The following GTPBP10 variants were observed in gnomAD, a reference collection of about 807,000 sequenced individuals.
The protein encoded by GTPBP10 is GTP binding protein 10, also known as GTP-binding protein 10.
GTPBP10 carries 38 observed loss-of-function variants against 44.8 expected under a neutral mutation model. That is an observed-to-expected ratio of 0.85 (90% confidence interval 0.65 to 1.11). The LOEUF (loss-of-function observed/expected upper bound fraction) is 1.11. GTPBP10 is among the 50% of genes most tolerant of loss of function. The pLI, the probability that GTPBP10 is intolerant of heterozygous loss-of-function variation, is 0.00. For missense variants in GTPBP10, 462 were observed against 453.7 expected, an observed-to-expected ratio of 1.02 and a Z score of -0.17; for synonymous variants, 152 against 150.6, an observed-to-expected ratio of 1.01 and a Z score of -0.07.
At position 90,350,566 on chromosome 7, in the gene GTPBP10, T is replaced by A. The variant is rs533167476; in HGVS notation, c.34-2250T>A. 1.1e-4 allele frequency among the ~76,000 whole-genome samples: 16 copies of A among 152,362 alleles called. 1 individual carries two copies. In the South Asian group the frequency reaches 3.3e-3, roughly 32 times the overall value. On this transcript the variant is annotated intron_variant, in intron 1 of 9. Transcript: ENST00000222511. ...TTTAGCTTTAGATCCTTCACATTCC[T>A]TTTGCTTTTAAGTTGTCATATGGTA...
chr7:90,374,254 G>T (rs752730444), intron 5 of GTPBP10, 48 bp from the exon 6 acceptor site: 1 of 1,231,000 alleles, frequency 8.1e-7, no homozygotes, highest in Admixed American at 1.7e-5. Context: ...GAGAGTACCA[G>T]CCCTAAAATA....
At chr7:90,383,705 A>G (rs1796472555) in intron 9 of GTPBP10, 1 of 152,182 alleles carries the variant, frequency 6.6e-6, no homozygotes, top group African/African-American at 2.4e-5. Flanking sequence ...TTTGCAGAAC[A>G]CCTTCTATCC....
chr7:90,369,773 C>T (rs755550253), intron 4 of GTPBP10, among the ~76,000 whole-genome samples: 2 of 152,182 alleles, frequency 1.3e-5, no homozygotes, highest in Non-Finnish European at 2.9e-5. Flanking sequence ...CCTTGTGCTT[C>T]CCGGGTGAAG....
In GTPBP10 at chr7:90,378,220, T is replaced by C; in HGVS notation, c.777+9T>C. On this transcript the variant is annotated intron_variant, in intron 8 of 9. Coordinates refer to ENST00000222511, the MANE Select transcript of GTPBP10 (RefSeq NM_033107.4). ...TAATACTGCTTACAAAAGTAGGTTTTCTGTTTTACTGTGTTCTGTATTTGG... is the reference window on the plus strand; with the variant it reads ...TAATACTGCTTACAAAAGTAGGTTTCCTGTTTTACTGTGTTCTGTATTTGG... 1 of 1,607,160 alleles carries C rather than the reference T, an allele frequency of 6.2e-7. No individual in the cohort carries two copies. Among genetic ancestry groups the C allele is most frequent in the East Asian group, 2.2e-5 (1 of 44,694 alleles).
Position 90,359,802 on chromosome 7 carries a change from C to T in GTPBP10, c.464+4572C>T, listed in dbSNP as rs187703293. Among the ~76,000 whole-genome samples, 13 of 152,284 alleles carry T rather than the reference C, an allele frequency of 8.5e-5. No homozygotes were observed. In the East Asian group the frequency reaches 2.5e-3, roughly 29 times the overall value. ...TATTTCTCCACATCCTCTCCAGCAC[C>T]TGTTGTTTCCTGACTTTTTAAGGAT... On this transcript the variant is annotated intron_variant, in intron 4 of 9. Transcript: ENST00000222511.
At chr7:90,346,992 G>C (rs574685355) in intron 1 of GTPBP10, among the ~76,000 whole-genome samples, 3 of 152,322 alleles carry the variant, frequency 2.0e-5, no homozygotes. Context: ...GGCAGGGGCA[G>C]GGTTTGAAGT....
rs1052038794 is a variant in GTPBP10 at position 90,388,499 on chromosome 7, T to C, written c.*3345T>C. 1 of 152,174 alleles carries C rather than the reference T, an allele frequency of 6.6e-6. No homozygotes were observed. Among genetic ancestry groups the C allele is most frequent in the African/African-American group, 2.4e-5 (1 of 41,456 alleles). The allele number at this position is 152,174 out of a possible 1,614,324, so 9.4% of individuals were successfully genotyped here. ...TATTAAGTATATTGTACTATGAAGT[T>C]GGACCTGCACACTGAAAAATTCCAA... On this transcript the variant is annotated 3_prime_UTR_variant, in exon 10 of 10. Coordinates refer to ENST00000222511, the MANE Select transcript of GTPBP10 (RefSeq NM_033107.4).
rs188385472 is a variant in GTPBP10 at position 90,386,819 on chromosome 7, A to T, written c.*1665A>T. On this transcript the variant is annotated 3_prime_UTR_variant, in exon 10 of 10. Transcript: ENST00000222511. ...TTAAATGAGTTTTATTATAAAATGT[A>T]CATATTGATTGTAAAAACAAAAAAT... is the stretch of plus-strand genomic sequence containing the variant. 2.2e-4 allele frequency: 33 copies of T among 152,358 alleles called. No individual in the cohort carries two copies. Among genetic ancestry groups the T allele is most frequent in the African/African-American group, 6.7e-4 (28 of 41,586 alleles). 9.4% of individuals were successfully genotyped at this position (152,358 alleles called of 1,614,324 possible).
intron 5 of GTPBP10, among the ~76,000 whole-genome samples, chr7:90,372,926 T>A (rs755984291): frequency 3.3e-5 from 5 of 152,166 alleles, no homozygotes; most frequent in Non-Finnish European, 5.9e-5. Context: ...TACATATCAC[T>A]AATAAATATA....
At position 90,380,101 on chromosome 7, in the gene GTPBP10, T is replaced by C. The variant is rs536798487; in HGVS notation, c.777+1890T>C. Among the ~76,000 whole-genome samples the C allele has an allele frequency of 3.8e-4, 53 of 138,438 alleles. No homozygotes were observed. The South Asian group carries it at 0.012, about 31-fold the overall frequency. The allele number at this position is 138,438 out of a possible 152,430, so 90.8% of individuals were successfully genotyped here. On this transcript the variant is annotated intron_variant, in intron 8 of 9. Transcript: ENST00000222511. Reference sequence around the variant, plus strand: ...TTTTTTTTTTTTTTTTTTTTTGAGATGGAGTCTCACTCTGTCGCCTGGGCT... The same window carrying C: ...TTTTTTTTTTTTTTTTTTTTTGAGACGGAGTCTCACTCTGTCGCCTGGGCT...
chr7:90,354,624 T>C, intron 3 of GTPBP10, 75 bp downstream of exon 3: 1 of 738,888 alleles, frequency 1.4e-6, no homozygotes, highest in East Asian at 2.9e-5. Flanking sequence ...TAGCTTCTCT[T>C]GAGTTTCAGA....
chr7:90,384,905 A>G lies in GTPBP10; in HGVS notation c.915A>G (p.Leu305=), dbSNP rs1796496122. ...QLQNPKDFLH[L]FEKNMIPERT... ...TCTTTCTTTTAGATTTTCTGCATTT[A>G]TTTGAAAAAAACATGATTCCAGAGA... Residue 305 remains leucine, a synonymous_variant, in exon 10 of 10, where the codon TTA becomes TTG. Transcript: ENST00000222511. The G allele has an allele frequency of 6.3e-7, 1 of 1,586,366 alleles. No homozygotes were observed. Among genetic ancestry groups the G allele is most frequent in the Non-Finnish European group, 8.6e-7 (1 of 1,168,956 alleles).
intron 4 of GTPBP10, among the ~76,000 whole-genome samples, chr7:90,365,273 C>T (rs1461533424): frequency 7.2e-5 from 11 of 152,208 alleles, no homozygotes; most frequent in Admixed American, 2.0e-4. Context: ...CTTGGAACCC[C>T]ACCCCTGATT....
intron 4 of GTPBP10, among the ~76,000 whole-genome samples, chr7:90,362,004 A>G (rs1796032093): frequency 1.3e-5 from 2 of 152,136 alleles, no homozygotes; most frequent in African/African-American, 2.4e-5. Flanking sequence ...TATTGCGTCT[A>G]TTTGATTCTT....
chr7:90,355,873 T>G (rs936019737), intron 4 of GTPBP10, among the ~76,000 whole-genome samples: 4 of 152,178 alleles, frequency 2.6e-5, no homozygotes, highest in Admixed American at 2.6e-4. Context: ...GCAGTGCAGC[T>G]GCCCACTGGA....
chr7:90,370,994 A>G (rs1796246433), intron 4 of GTPBP10, among the ~76,000 whole-genome samples: 1 of 145,756 alleles, frequency 6.9e-6, no homozygotes, highest in Non-Finnish European at 1.5e-5. Flanking sequence ...CAACAGAGCG[A>G]GACTCCATCT....
chr7:90,377,581 G>C lies in GTPBP10; in HGVS notation c.666G>C (p.Lys222Asn). 1 of 1,611,020 alleles carries C rather than the reference G, an allele frequency of 6.2e-7. No homozygotes were observed. Among genetic ancestry groups the C allele is most frequent in the Non-Finnish European group, 8.5e-7 (1 of 1,178,196 alleles). Residue 222 changes from lysine (K) to asparagine (N), a missense_variant, in exon 7 of 10, where the codon AAG becomes AAC. Transcript: ENST00000222511. The stretch of plus-strand genomic sequence containing the variant: ...AAGGAATGGGCCACAAATTCCTCAA[G>C]CATATAGAAAGAACTAGACAACTAC... ...MNKGMGHKFL[K>N]HIERTRQLLF...
chr7:90,378,175 C>A lies in GTPBP10; in HGVS notation c.741C>A (p.Tyr247Ter). 1 of 1,613,036 alleles carries A rather than the reference C, an allele frequency of 6.2e-7. No individual in the cohort carries two copies. Among genetic ancestry groups the A allele is most frequent in the Non-Finnish European group, 8.5e-7 (1 of 1,179,518 alleles). The change falls in exon 8 of 10, where the codon TAC (tyrosine) becomes TAA (stop). Residue 247 changes from tyrosine to a stop codon, truncating the protein, a stop_gained. Coordinates refer to ENST00000222511, the MANE Select transcript of GTPBP10 (RefSeq NM_033107.4). LOFTEE classifies it high-confidence loss of function. Reference sequence around the variant, plus strand: ...TTCAGCTTTCTTCTCACACTCAATACAGGACAGCTTTTGAAACCATAATAC... The same window carrying A: ...TTCAGCTTTCTTCTCACACTCAATAAAGGACAGCTTTTGAAACCATAATAC... ...SGFQLSSHTQ[Y>*]RTAFETIILL...
intron 6 of GTPBP10, among the ~76,000 whole-genome samples, chr7:90,375,795 A>G (rs1796335600): frequency 6.6e-6 from 1 of 152,072 alleles, no homozygotes; most frequent in Non-Finnish European, 1.5e-5. Context: ...CTTCAGAATT[A>G]TCTGGGTGGT....
Sources: allele counts gnomAD v4.1 joint callset (sites outside exome capture counted in the v4.1 genomes callset), GRCh38; gene constraint gnomAD v4.1.1; transcripts MANE v1.5; gene names NCBI Gene and HGNC (gene_info 2026-07-23, HGNC 2026-07-21).